The following KAT6B variants were observed in gnomAD, a reference collection of about 807,000 sequenced individuals.
KAT6B encodes the protein histone acetyltransferase KAT6B.
A neutral mutation model predicts 187.5 loss-of-function variants in KAT6B; 10 were observed. The ratio of observed to expected loss-of-function variants is 0.05; its 90% CI spans 0.03 to 0.09. The LOEUF (loss-of-function observed/expected upper bound fraction) is 0.09, where lower values mean the gene tolerates loss of function less well. KAT6B is among the 10% of genes least tolerant of loss of function. The pLI is 1.00. For missense variants in KAT6B, 1,952 were observed against 2,558.9 expected (o/e 0.76, Z 5.12); for synonymous variants, 861 against 926.8 (o/e 0.93, Z 1.29).
rs183676510 is a variant in KAT6B at position 74,997,088 on chromosome 10, A to C, written c.2629+7976A>C. Reference sequence around the variant, plus strand: ...TAGAGAAATGGGCAGAGGATCAGCTATGGTGGCTCATACCTGTAATCCCAG... The same window carrying C: ...TAGAGAAATGGGCAGAGGATCAGCTCTGGTGGCTCATACCTGTAATCCCAG... On this transcript the variant is annotated intron_variant, in intron 13 of 17. Transcript: ENST00000287239. Among the ~76,000 whole-genome samples, 3 of 151,972 alleles carry C rather than the reference A, an allele frequency of 2.0e-5. No individual in the cohort carries two copies. In the East Asian group the frequency reaches 5.8e-4, roughly 29 times the overall value.
chr10:74,889,514 G>A (rs1845513350), intron 3 of KAT6B, among the ~76,000 whole-genome samples: 2 of 152,150 alleles, frequency 1.3e-5, no homozygotes, highest in South Asian at 4.1e-4. Flanking sequence ...GCCTCATGGG[G>A]ACCTTTGCAT....
At chr10:74,862,276 A>G (rs1476816891) in intron 3 of KAT6B, among the ~76,000 whole-genome samples, 1 of 152,212 alleles carries the variant, frequency 6.6e-6, no homozygotes, top group Non-Finnish European at 1.5e-5. Context: ...TTTAAGGCTA[A>G]GGTTCAAGGA....
At chr10:75,028,188 C>A (rs1846019242) in intron 17 of KAT6B, among the ~76,000 whole-genome samples, 1 of 151,856 alleles carries the variant, frequency 6.6e-6, no homozygotes, top group Admixed American at 6.5e-5. Context: ...TTTTTTTACA[C>A]TGTGGAACTC....
chr10:74,975,495 T>G lies in KAT6B; in HGVS notation c.1158T>G (p.Ser386=), dbSNP rs567534844. 5 of 1,614,180 alleles carry G rather than the reference T, an allele frequency of 3.1e-6. No homozygotes were observed. The East Asian group carries it at 8.9e-5, about 29-fold the overall frequency. The stretch of plus-strand genomic sequence containing the variant: ...CTAAAGTCTGTACCACACCTTCATC[T>G]GGTCATGCTGCATCTGGGAAGGACT... ...QKTKVCTTPS[S]GHAASGKDSS... Residue 386 remains serine, a synonymous_variant, in exon 8 of 18, where the codon TCT becomes TCG. Transcript: ENST00000287239.
At chr10:74,868,000 C>T (rs1327332501) in intron 3 of KAT6B, among the ~76,000 whole-genome samples, 1 of 152,134 alleles carries the variant, frequency 6.6e-6, no homozygotes, top group Non-Finnish European at 1.5e-5. Context: ...ATTTTTTAAC[C>T]TAGTGCTTTA....
At chr10:74,934,186 C>CA (rs386371842) in intron 3 of KAT6B, among the ~76,000 whole-genome samples, 2,083 of 68,876 alleles carry the variant, frequency 0.03, 79 homozygotes, top group African/African-American at 0.041. Flanking sequence ...ACTCCGTCTC[C>CA]AAAAAAAAAA....
At chr10:74,999,379 C>T (rs960417917) in intron 13 of KAT6B, among the ~76,000 whole-genome samples, 4 of 152,142 alleles carry the variant, frequency 2.6e-5, no homozygotes, top group East Asian at 3.9e-4. Flanking sequence ...AGCTGGGAGT[C>T]GTGGACATGC....
intron 4 of KAT6B, among the ~76,000 whole-genome samples, chr10:74,963,648 C>A (rs1162400651): frequency 6.6e-6 from 1 of 152,046 alleles, no homozygotes; most frequent in East Asian, 1.9e-4. Context: ...ATGGAGGGAA[C>A]TGGTAGGGGC....
intron 3 of KAT6B, among the ~76,000 whole-genome samples, chr10:74,848,909 G>C (rs534158688): frequency 2.0e-5 from 3 of 152,150 alleles, no homozygotes; most frequent in Non-Finnish European, 4.4e-5. Flanking sequence ...GATTTGCCTT[G>C]CATTGTGGGA....
chr10:75,002,510 T>TC (rs1843912138), intron 13 of KAT6B, among the ~76,000 whole-genome samples: 2 of 152,126 alleles, frequency 1.3e-5, no homozygotes, highest in African/African-American at 4.8e-5. Flanking sequence ...ATTAGGCAAC[T>TC]TCATTGTCGT....
In KAT6B at chr10:74,988,208, A is replaced by T. The variant is rs11001236; in HGVS notation, c.2536-811A>T. ...TGGCCAGAGCATCCACGACCTCAAA[A>T]GCCTTTTCCAGATCTCTGTGTAGGT... On this transcript the variant is annotated intron_variant, in intron 12 of 17. Transcript: ENST00000287239. Among the ~76,000 whole-genome samples, 864 of 152,308 alleles carry T rather than the reference A, an allele frequency of 5.7e-3. 50 individuals carry two copies. The South Asian group carries it at 0.11, about 19-fold the overall frequency.
intron 12 of KAT6B, among the ~76,000 whole-genome samples, chr10:74,986,319 CATAA>C (rs1240467199): frequency 2.6e-5 from 4 of 152,162 alleles, no homozygotes; most frequent in East Asian, 1.9e-4. Flanking sequence ...CAGGATGGTA[CATAA>C]ATAGAGACAA....
At chr10:74,899,828 C>G (rs534096527) in intron 3 of KAT6B, among the ~76,000 whole-genome samples, 3 of 152,146 alleles carry the variant, frequency 2.0e-5, no homozygotes, top group South Asian at 4.2e-4. Context: ...AATTTGTCAT[C>G]CTAGTCTATA....
At chr10:74,976,952 T>C (rs1011641461) in intron 8 of KAT6B, 2 of 283,580 alleles carry the variant, frequency 7.1e-6, no homozygotes, top group African/African-American at 4.5e-5. Flanking sequence ...CTGTGTCATT[T>C]GGACAAAGTG....
intron 3 of KAT6B, among the ~76,000 whole-genome samples, chr10:74,855,775 TAAAC>T (rs1472150243): frequency 6.6e-6 from 1 of 152,198 alleles, no homozygotes; most frequent in African/African-American, 2.4e-5. Flanking sequence ...AGTAGTACAG[TAAAC>T]ACTCTATTTC....
intron 3 of KAT6B, among the ~76,000 whole-genome samples, chr10:74,858,828 G>A (rs184874651): frequency 2.0e-5 from 3 of 151,952 alleles, no homozygotes; most frequent in Admixed American, 1.3e-4. Flanking sequence ...GGTGGCTCAC[G>A]CCTGTAGTCC....
chr10:75,028,354 CTT>C (rs1846030460), intron 17 of KAT6B, 133 bp from the exon 18 acceptor site: 4 of 1,306,730 alleles, frequency 3.1e-6, no homozygotes, highest in Admixed American at 1.8e-5. Context: ...TTGATTATGT[CTT>C]TACCATCAAC....
intron 15 of KAT6B, 36 bp from the exon 16 acceptor site, chr10:75,021,845 C>A: frequency 6.2e-7 from 1 of 1,612,912 alleles, no homozygotes; most frequent in South Asian, 1.1e-5. Flanking sequence ...TGTAACTGCC[C>A]TCTCACTGGC....
At chr10:74,984,075 C>A (rs1478544843) in intron 11 of KAT6B, 3 of 152,190 alleles carry the variant, frequency 2.0e-5, no homozygotes, top group African/African-American at 7.2e-5. Flanking sequence ...CCAAAAGGGC[C>A]ATACTCTCAA....
Sources: gnomAD v4.1 joint callset for allele counts (sites outside exome capture counted in the v4.1 genomes callset) on GRCh38, gnomAD v4.1.1 for gene constraint, MANE v1.5 for transcripts, NCBI Gene and HGNC (gene_info 2026-07-23, HGNC 2026-07-21) for gene names.